CCDC85A: variants seen among roughly 807,000 people sequenced by gnomAD.
CCDC85A encodes coiled-coil domain-containing protein 85A.
CCDC85A carries 38 observed loss-of-function variants against 50.2 expected under a neutral mutation model. The ratio of observed to expected loss-of-function variants is 0.76; its 90% CI spans 0.58 to 0.99. The LOEUF (loss-of-function observed/expected upper bound fraction) is 0.99. CCDC85A is among the 50% of genes least tolerant of loss of function. CCDC85A has a pLI of 0.00. For synonymous variants in CCDC85A, 366 were observed against 301.4 expected (o/e 1.21, Z -2.22); for missense variants, 820 against 742.0 (o/e 1.11, Z -1.22).
intron 2 of CCDC85A, among the ~76,000 whole-genome samples, chr2:56,286,318 G>T (rs1016508144): frequency 2.6e-5 from 4 of 151,982 alleles, no homozygotes; most frequent in Admixed American, 6.6e-5. Context: ...CTGTTCCATT[G>T]TCTCTTTTCT....
chr2:56,330,468 T>C (rs1296485428), intron 2 of CCDC85A, among the ~76,000 whole-genome samples: 2 of 152,176 alleles, frequency 1.3e-5, no homozygotes, highest in African/African-American at 4.8e-5. Context: ...AGCACAGAAC[T>C]TTCAGTAGCA....
chr2:56,210,210 C>G (rs1677127146), intron 2 of CCDC85A, among the ~76,000 whole-genome samples: 1 of 152,080 alleles, frequency 6.6e-6, no homozygotes, highest in Non-Finnish European at 1.5e-5. Flanking sequence ...GGAGTTGCAG[C>G]TGTGGTCCAA....
intron 2 of CCDC85A, among the ~76,000 whole-genome samples, chr2:56,236,800 A>T (rs1483274355): frequency 6.6e-6 from 1 of 152,044 alleles, no homozygotes; most frequent in East Asian, 1.9e-4. Context: ...ACATTTGCAC[A>T]AATTTCTCAG....
At chr2:56,240,246 A>G (rs1039769287) in intron 2 of CCDC85A, among the ~76,000 whole-genome samples, 4 of 152,132 alleles carry the variant, frequency 2.6e-5, no homozygotes. Context: ...TAACTTTGTA[A>G]CTTCACTTCA....
intron 2 of CCDC85A, among the ~76,000 whole-genome samples, chr2:56,342,197 T>TG (rs1674407556): frequency 1.7e-5 from 1 of 59,066 alleles, no homozygotes; most frequent in African/African-American, 2.6e-4. Flanking sequence ...TCTCTAATAC[T>TG]TTTTTTTTTT....
rs1429269787 is a variant in CCDC85A, at chr2:56,193,261, C to G, written c.1061C>G (p.Ala354Gly). The change falls in exon 2 of 6, where the codon GCC becomes GGC. Residue 354 changes from alanine to glycine, a missense_variant. Coordinates refer to ENST00000407595, the MANE Select transcript of CCDC85A (RefSeq NM_001080433.2). ...LGGSLEHLPR[A>G]RGTSPEHLKQ... The stretch of plus-strand genomic sequence containing the variant: ...GGGAGCCTAGAGCATCTCCCCAGAG[C>G]CAGGGGCACCAGCCCGGAGCACCTC... 2 of 1,612,458 alleles carry G rather than the reference C, an allele frequency of 1.2e-6. No individual in the cohort carries two copies. Among genetic ancestry groups the G allele is most frequent in the Non-Finnish European group, 1.7e-6 (2 of 1,179,432 alleles).
chr2:56,332,647 C>G (rs1673868881), intron 2 of CCDC85A, among the ~76,000 whole-genome samples: 1 of 151,886 alleles, frequency 6.6e-6, no homozygotes, highest in South Asian at 2.1e-4. Context: ...GTCTCTGTCT[C>G]TCTATCTCTC....
intron 2 of CCDC85A, among the ~76,000 whole-genome samples, chr2:56,318,352 C>T (rs1673012666): frequency 6.6e-6 from 1 of 152,010 alleles, no homozygotes; most frequent in African/African-American, 2.4e-5. Flanking sequence ...AGGGACTGTG[C>T]ATGAGCTGTT....
intron 2 of CCDC85A, among the ~76,000 whole-genome samples, chr2:56,268,099 T>G (rs1261775446): frequency 6.6e-6 from 1 of 152,228 alleles, no homozygotes; most frequent in Non-Finnish European, 1.5e-5. Context: ...GTTAATGTAT[T>G]CTATATTTTT....
chr2:56,363,602 C>CCCTT (rs1430417862), intron 3 of CCDC85A, among the ~76,000 whole-genome samples: 2 of 152,162 alleles, frequency 1.3e-5, no homozygotes, highest in African/African-American at 4.8e-5. Flanking sequence ...GAACCTAAGA[C>CCCTT]CCTTCTTTTT....
intron 4 of CCDC85A, 66 bp downstream of exon 4, chr2:56,372,544 GA>G (rs1347784831): frequency 7.1e-6 from 10 of 1,409,884 alleles, no homozygotes; most frequent in Non-Finnish European, 9.4e-6. Flanking sequence ...TGTTGCTAGA[GA>G]AAAAGTTATA....
rs146386660 is a variant in CCDC85A at position 56,299,829 on chromosome 2, C to G, written c.1241-43050C>G. ...CCTCAGGAAATCAGCTGGTGCTTACCTTCCCCTCCATTCATTTCTTTTTAC... is the reference window on the plus strand; with the variant it reads ...CCTCAGGAAATCAGCTGGTGCTTACGTTCCCCTCCATTCATTTCTTTTTAC... On this transcript the variant is annotated intron_variant, in intron 2 of 5. Transcript: ENST00000407595. Among the ~76,000 whole-genome samples the G allele has an allele frequency of 2.8e-3, 423 of 152,266 alleles. 1 individual carries two copies. The highest frequency in any genetic ancestry group is 9.6e-3 in the African/African-American group (398 of 41,546).
chr2:56,284,248 A>G (rs1371825992), intron 2 of CCDC85A, among the ~76,000 whole-genome samples: 1 of 152,048 alleles, frequency 6.6e-6, no homozygotes, highest in Non-Finnish European at 1.5e-5. Flanking sequence ...TTTGAAATTT[A>G]TTATGTCTTT....
chr2:56,374,666 A>C (rs573623053), intron 4 of CCDC85A, among the ~76,000 whole-genome samples: 85 of 152,272 alleles, frequency 5.6e-4, no homozygotes, highest in African/African-American at 1.9e-3. Flanking sequence ...AAATGTCACT[A>C]GGCATAATGG....
intron 2 of CCDC85A, among the ~76,000 whole-genome samples, chr2:56,332,305 A>G (rs1673846037): frequency 1.3e-5 from 2 of 152,074 alleles, no homozygotes; most frequent in South Asian, 4.2e-4. Flanking sequence ...ACAACAGAAT[A>G]CCTTAGGTTG....
chr2:56,192,833 C>T lies in CCDC85A; in HGVS notation c.633C>T (p.Ser211=), dbSNP rs1478462680. Residue 211 remains serine, a synonymous_variant, in exon 2 of 6, where the codon AGC becomes AGT. Coordinates refer to ENST00000407595, the MANE Select transcript of CCDC85A (RefSeq NM_001080433.2). This position sits in a 1 kb window ranked among gnomAD's most constrained non-coding sequence, Gnocchi z 4.7. ...ACGTGCGGGATGTGGGTGACGGCAG[C>T]AGCACCTCCAGCACTGGCAGCACTG... The part of the protein sequence containing the change: ...APYVRDVGDG[S]STSSTGSTDS... 1.2e-5 allele frequency: 20 copies of T among 1,613,180 alleles called. No individual in the cohort carries two copies. The highest frequency in any genetic ancestry group is 2.2e-5 in the East Asian group (1 of 44,874).
chr2:56,316,338 T>C (rs1169066947), intron 2 of CCDC85A, among the ~76,000 whole-genome samples: 7 of 152,122 alleles, frequency 4.6e-5, no homozygotes, highest in Non-Finnish European at 8.8e-5. Context: ...TTTTTTGGAT[T>C]TTTTTTCTCG....
At chr2:56,283,290 T>G (rs1671288183) in intron 2 of CCDC85A, among the ~76,000 whole-genome samples, 1 of 152,216 alleles carries the variant, frequency 6.6e-6, no homozygotes. Flanking sequence ...ATGTTCTTCC[T>G]TCTATTCCAG....
At chr2:56,329,758 T>A (rs558178806) in intron 2 of CCDC85A, among the ~76,000 whole-genome samples, 11 of 152,260 alleles carry the variant, frequency 7.2e-5, no homozygotes, top group Non-Finnish European at 2.9e-5. Flanking sequence ...TTCAAATTAA[T>A]GATGCTTTGC....
Sources: gnomAD v4.1 joint callset for allele counts (sites outside exome capture counted in the v4.1 genomes callset) on GRCh38, gnomAD v4.1.1 for gene constraint, Gnocchi (gnomAD v3.1) non-coding constraint, MANE v1.5 for transcripts, NCBI Gene and HGNC (gene_info 2026-07-23, HGNC 2026-07-21) for gene names.